The following CNTNAP2 variants were observed in gnomAD, a reference collection of about 807,000 sequenced individuals.
The protein encoded by CNTNAP2 is contactin associated protein 2.
CNTNAP2 carries 98 observed loss-of-function variants against 155.2 expected under a neutral mutation model. That is an observed-to-expected ratio of 0.63 (90% CI 0.54 to 0.75). The LOEUF is 0.75. CNTNAP2 is among the 30% of genes least tolerant of loss of function. The pLI, the probability that CNTNAP2 is intolerant of heterozygous loss-of-function variation, is 0.00. For synonymous variants in CNTNAP2, 651 were observed against 631.2 expected (o/e 1.03, Z -0.47); for missense variants, 1,727 against 1,688.1 (o/e 1.02, Z -0.40).
At chr7:148,079,007 T>G (rs1803547941) in intron 15 of CNTNAP2, among the ~76,000 whole-genome samples, 1 of 152,206 alleles carries the variant, frequency 6.6e-6, no homozygotes, top group Non-Finnish European at 1.5e-5. Flanking sequence ...AATGGTGGTG[T>G]CTACATCTTG....
intron 14 of CNTNAP2, among the ~76,000 whole-genome samples, chr7:147,923,845 G>GA (rs1480899383): frequency 3.3e-5 from 5 of 152,130 alleles, no homozygotes; most frequent in East Asian, 1.9e-4. Flanking sequence ...AGAGCCTTCA[G>GA]AAAAAAACGT....
intron 20 of CNTNAP2, among the ~76,000 whole-genome samples, chr7:148,247,655 A>ATTTTT (rs1444152586): frequency 7.8e-6 from 1 of 127,968 alleles, no homozygotes; most frequent in Non-Finnish European, 1.7e-5. Flanking sequence ...TTATTTATTT[A>ATTTTT]TTTATTTATT....
intron 10 of CNTNAP2, among the ~76,000 whole-genome samples, chr7:147,441,275 T>A (rs535166870): frequency 7.9e-5 from 12 of 152,224 alleles, no homozygotes; most frequent in African/African-American, 2.9e-4. Flanking sequence ...GTCAGTTGCA[T>A]TTTTCAGCTC....
chr7:146,627,171 T>C (rs1386520614), intron 1 of CNTNAP2, among the ~76,000 whole-genome samples: 2 of 152,060 alleles, frequency 1.3e-5, no homozygotes, highest in African/African-American at 4.8e-5. Context: ...CCATCAGATC[T>C]TGTGAGACTC....
intron 2 of CNTNAP2, among the ~76,000 whole-genome samples, chr7:146,790,669 A>C (rs1239409482): frequency 6.6e-6 from 1 of 150,504 alleles, no homozygotes; most frequent in African/African-American, 2.5e-5. Flanking sequence ...TCCCGGGTTC[A>C]CGCCATTCTC....
chr7:147,490,224 C>T (rs140661570), intron 11 of CNTNAP2, among the ~76,000 whole-genome samples: 2 of 152,212 alleles, frequency 1.3e-5, no homozygotes, highest in African/African-American at 2.4e-5. Context: ...ATATAATTCT[C>T]TTTTAATTTT....
At chr7:147,815,489 C>A (rs1462162247) in intron 13 of CNTNAP2, among the ~76,000 whole-genome samples, 3 of 152,152 alleles carry the variant, frequency 2.0e-5, no homozygotes, top group African/African-American at 7.2e-5. Flanking sequence ...ACATGGAATC[C>A]TTCTCAAGCT....
chr7:147,906,316 A>G (rs1585021540), intron 14 of CNTNAP2, among the ~76,000 whole-genome samples: 1 of 151,858 alleles, frequency 6.6e-6, no homozygotes, highest in East Asian at 1.9e-4. Flanking sequence ...CTCTGCTGGC[A>G]CCTGCCACCA....
At chr7:147,624,451 C>T (rs6977062) in intron 12 of CNTNAP2, among the ~76,000 whole-genome samples, 53,995 of 151,914 alleles carry the variant, frequency 0.36, 10,901 homozygotes, top group African/African-American at 0.53. Context: ...TGGCCAAAGA[C>T]TTAAATAGAC....
intron 1 of CNTNAP2, among the ~76,000 whole-genome samples, chr7:146,161,105 G>T (rs1335457243): frequency 6.6e-6 from 1 of 151,664 alleles, no homozygotes; most frequent in Non-Finnish European, 1.5e-5. Context: ...CAAAAAACAC[G>T]TTTATCTCAA....
chr7:147,850,050 A>G (rs1276980787), intron 13 of CNTNAP2: 3 of 152,204 alleles, frequency 2.0e-5, no homozygotes, highest in African/African-American at 7.2e-5. Context: ...ACTGGGGAAG[A>G]TCCTTTTCTG....
At chr7:146,733,848 C>T (rs891970860) in intron 1 of CNTNAP2, among the ~76,000 whole-genome samples, 5 of 152,226 alleles carry the variant, frequency 3.3e-5, no homozygotes, top group African/African-American at 9.6e-5. Context: ...ACATCTGTTA[C>T]TTGACCATGT....
At chr7:148,109,357 T>G (rs1204423225) in intron 15 of CNTNAP2, among the ~76,000 whole-genome samples, 2 of 127,314 alleles carry the variant, frequency 1.6e-5, no homozygotes, top group African/African-American at 5.6e-5. Context: ...AGAGGTGTTT[T>G]GTTTTGTTTT....
chr7:147,996,194 C>T (rs10281641), intron 15 of CNTNAP2, among the ~76,000 whole-genome samples: 3,348 of 152,228 alleles, frequency 0.022, 117 homozygotes, highest in African/African-American at 0.077. Context: ...GTGATGAAAA[C>T]CAAACTATAT....
intron 13 of CNTNAP2, among the ~76,000 whole-genome samples, chr7:147,797,555 A>T (rs994911786): frequency 2.0e-5 from 3 of 152,210 alleles, no homozygotes; most frequent in Non-Finnish European, 4.4e-5. Flanking sequence ...GAATTTTAAC[A>T]GATATTTTGT....
At chr7:146,644,473 G>C (rs958328390) in intron 1 of CNTNAP2, among the ~76,000 whole-genome samples, 1 of 152,228 alleles carries the variant, frequency 6.6e-6, no homozygotes, top group South Asian at 2.1e-4. Context: ...ATTTGCGTAT[G>C]TTGAACCAGC....
At chr7:146,919,937 C>G (rs571779905) in intron 3 of CNTNAP2, among the ~76,000 whole-genome samples, 1 of 152,302 alleles carries the variant, frequency 6.6e-6, no homozygotes, top group South Asian at 2.1e-4. Flanking sequence ...GTGGGAGCTG[C>G]AAGTTGGTCC....
intron 8 of CNTNAP2, among the ~76,000 whole-genome samples, chr7:147,171,185 AGGAGCCATTTGAGGCCC>A (rs1333572935): frequency 6.6e-6 from 1 of 152,166 alleles, no homozygotes; most frequent in East Asian, 1.9e-4. Context: ...CCCCTTCCTC[AGGAGCCATTTGAGGCCC>A]GGAATCAGCT....
At chr7:146,362,766 C>CT (rs773124124) in intron 1 of CNTNAP2, among the ~76,000 whole-genome samples, 16,485 of 96,392 alleles carry the variant, frequency 0.17, 2,132 homozygotes, top group Non-Finnish European at 0.22. Context: ...TCACACAGCA[C>CT]TTTTTTTTTT....
Sources: gnomAD v4.1 joint callset for allele counts (sites outside exome capture counted in the v4.1 genomes callset) on GRCh38, gnomAD v4.1.1 for gene constraint, MANE v1.5 for transcripts, NCBI Gene and HGNC (gene_info 2026-07-23, HGNC 2026-07-21) for gene names.